RCC2: variants seen among roughly 807,000 people sequenced by gnomAD.
The protein encoded by RCC2 is regulator of chromosome condensation 2, also known as protein RCC2.
RCC2 carries 19 observed loss-of-function variants against 64.1 expected under a neutral mutation model. The ratio of observed to expected loss-of-function variants is 0.30; its 90% CI spans 0.21 to 0.44. RCC2 has a LOEUF of 0.44. Ranked by LOEUF, RCC2 falls within the 20% of genes least tolerant of loss-of-function variation. RCC2 has a pLI of 1.00. For missense variants in RCC2, 508 were observed against 710.4 expected, an observed-to-expected ratio of 0.72 and a Z score of 3.24; for synonymous variants, 325 against 279.6, an observed-to-expected ratio of 1.16 and a Z score of -1.62.
In RCC2 at chr1:17,406,823, AT is replaced by A. The variant is rs1178905026; in HGVS notation, c.*2266del. ...TCCAAGAAATATATATATAAAAAAA[AT>A]AATAAGACAATTACAGCACTAAACC... On this transcript the variant is annotated 3_prime_UTR_variant, in exon 13 of 13. Coordinates refer to ENST00000375436, the MANE Select transcript of RCC2 (RefSeq NM_018715.4). 25 of 152,264 alleles carry A rather than the reference AT, an allele frequency of 1.6e-4. No homozygotes were observed. Among genetic ancestry groups the A allele is most frequent in the South Asian group, 1.5e-3 (7 of 4,814 alleles). 9.4% of individuals were successfully genotyped at this position (152,264 alleles called of 1,614,324 possible).
At position 17,426,759 on chromosome 1, in the gene RCC2, C is replaced by CTTT. The variant is rs146347066; in HGVS notation, c.380-1078_380-1076dup. Reference sequence around the variant, plus strand: ...GGGGCAGGGCCAATTTCTTACTTTTCTTTTTTTTTTTTTTTTTTTTTTTTT... The same window carrying CTTT: ...GGGGCAGGGCCAATTTCTTACTTTTCTTTTTTTTTTTTTTTTTTTTTTTTTTTT... On this transcript the variant is annotated intron_variant, in intron 3 of 12. Coordinates refer to ENST00000375436, the MANE Select transcript of RCC2 (RefSeq NM_018715.4). Among the ~76,000 whole-genome samples, 128 of 109,954 alleles carry CTTT rather than the reference C, an allele frequency of 1.2e-3. 1 individual carries two copies. The highest frequency in any genetic ancestry group is 1.5e-3 in the Non-Finnish European group (84 of 54,790). 72.1% of individuals were successfully genotyped at this position (109,954 alleles called of 152,430 possible). A position where few individuals can be genotyped will look rare whatever the true frequency, so the allele number is the denominator to read the frequency against.
At chr1:17,414,645 CCCT>C (rs936532248) in intron 8 of RCC2, among the ~76,000 whole-genome samples, 5 of 152,036 alleles carry the variant, frequency 3.3e-5, no homozygotes, top group African/African-American at 9.7e-5. Flanking sequence ...TCTTTTCCCC[CCCT>C]CGAGAGGGTC....
At chr1:17,439,292 C>G (rs575854923) in intron 1 of RCC2, among the ~76,000 whole-genome samples, 1 of 151,420 alleles carries the variant, frequency 6.6e-6, no homozygotes, top group South Asian at 2.1e-4. Flanking sequence ...CCAGGGCCGC[C>G]GCCAGCTCCC....
intron 2 of RCC2, among the ~76,000 whole-genome samples, chr1:17,431,359 A>AAAATATATAT (rs1553158471): frequency 4.5e-5 from 2 of 44,930 alleles, no homozygotes; most frequent in Admixed American, 7.1e-4. Context: ...AAAAAAAAAA[A>AAAATATATAT]ATATATATAT....
chr1:17,420,094 C>CGGGAAGCGCACTTCA (rs1553157140), intron 7 of RCC2, among the ~76,000 whole-genome samples: 2 of 152,178 alleles, frequency 1.3e-5, no homozygotes, highest in African/African-American at 2.4e-5. Context: ...GAGCCACAAC[C>CGGGAAGCGCACTTCA]GGGAAGCGCA....
In RCC2 at chr1:17,420,644, C is replaced by T. The variant is rs1195364760; in HGVS notation, c.859+70G>A. On this transcript the variant is annotated intron_variant, in intron 7 of 12. Transcript: ENST00000375436. Reference sequence around the variant, plus strand: ...CACATTTCTAACACGTGTGTGCAGCCCCACACTGATCTCTAGTTCTGAATA... The same window carrying T: ...CACATTTCTAACACGTGTGTGCAGCTCCACACTGATCTCTAGTTCTGAATA... 4.1e-6 allele frequency: 4 copies of T among 974,908 alleles called. No homozygotes were observed. The East Asian group carries it at 9.8e-5, about 24-fold the overall frequency. The allele number at this position is 974,908 out of a possible 1,614,324, so 60.4% of individuals were successfully genotyped here. A position where few individuals can be genotyped will look rare whatever the true frequency, so the allele number is the denominator to read the frequency against.
intron 6 of RCC2, among the ~76,000 whole-genome samples, chr1:17,421,865 A>C (rs973519424): frequency 6.6e-6 from 1 of 152,052 alleles, no homozygotes; most frequent in Non-Finnish European, 1.5e-5. Context: ...GTCTCTACTA[A>C]AAATACAAAA....
chr1:17,432,666 G>C (rs557719399), intron 2 of RCC2, among the ~76,000 whole-genome samples: 1 of 152,266 alleles, frequency 6.6e-6, no homozygotes, highest in Non-Finnish European at 1.5e-5. Flanking sequence ...CAGACAGCCA[G>C]AGCTTAACCG....
chr1:17,409,105 G>A lies in RCC2; in HGVS notation c.1554C>T (p.Asn518=). The change falls in exon 13 of 13, where the codon AAC becomes AAT. Residue 518 remains asparagine (N), a synonymous_variant. Coordinates refer to ENST00000375436, the MANE Select transcript of RCC2 (RefSeq NM_018715.4). ...KEKIKKLPEY[N]PRTL ...TCCGGGAGCATCAGAGGGTTCGGGG[G>A]TTGTATTCTGGCAGTTTCTTGATCT... The A allele has an allele frequency of 6.2e-7, 1 of 1,612,950 alleles. No individual in the cohort carries two copies. The highest frequency in any genetic ancestry group is 8.5e-7 in the Non-Finnish European group (1 of 1,178,950).
chr1:17,428,686 T>TG (rs2075644747), intron 3 of RCC2, among the ~76,000 whole-genome samples: 1 of 152,230 alleles, frequency 6.6e-6, no homozygotes, highest in Admixed American at 6.5e-5. Flanking sequence ...TGCAACAATT[T>TG]GGCAGCTTGC....
intron 3 of RCC2, among the ~76,000 whole-genome samples, chr1:17,427,254 GCCCTCAGCAGAGGGCA>G (rs1260046297): frequency 6.6e-6 from 1 of 152,114 alleles, no homozygotes; most frequent in African/African-American, 2.4e-5. Flanking sequence ...CCCACCCTCC[GCCCTCAGCAGAGGGCA>G]CCACATGCTC....
At chr1:17,434,759 A>G (rs1199981830) in intron 2 of RCC2, among the ~76,000 whole-genome samples, 1 of 152,228 alleles carries the variant, frequency 6.6e-6, no homozygotes, top group Non-Finnish European at 1.5e-5. Context: ...TGTGTGCTGC[A>G]GAACTGATTG....
chr1:17,409,188 T>C lies in RCC2; in HGVS notation c.1471A>G (p.Met491Val), dbSNP rs1246374592. 2 of 1,610,656 alleles carry C rather than the reference T, an allele frequency of 1.2e-6. No individual in the cohort carries two copies. Among genetic ancestry groups the C allele is most frequent in the Non-Finnish European group, 1.7e-6 (2 of 1,176,950 alleles). The change falls in exon 13 of 13, where the codon ATG becomes GTG. Residue 491 changes from methionine (M) to valine (V), a missense_variant. Physicochemically the swap from Met to Val is conservative, Grantham distance 21. Coordinates refer to ENST00000375436, the MANE Select transcript of RCC2 (RefSeq NM_018715.4). Reference protein sequence around the residue: ...LDGIFSEQVAMGYSHSLVIAR... With the variant: ...LDGIFSEQVAVGYSHSLVIAR... ...ATCACCAAGGAGTGTGAGTAGCCCA[T>C]GGCGACCTGGGGGGACAAATCAGCG...
At chr1:17,436,978 G>T (rs1017564112) in intron 2 of RCC2, among the ~76,000 whole-genome samples, 1 of 152,116 alleles carries the variant, frequency 6.6e-6, no homozygotes, top group African/African-American at 2.4e-5. Context: ...AGCTTTTGAC[G>T]GGCTCTCCTC....
In RCC2 at chr1:17,438,328, G is replaced by C; in HGVS notation, c.187C>G (p.Pro63Ala). Residue 63 changes from proline to alanine, a missense_variant, in exon 2 of 13, where the codon CCC becomes GCC. By Grantham distance (27) the Pro-to-Ala change is conservative. Around this residue, in one of 4 missense-constraint regions of RCC2, gnomAD observed 195 missense variants for 158.3 expected, o/e 1.23. Coordinates refer to ENST00000375436, the MANE Select transcript of RCC2 (RefSeq NM_018715.4). Reference protein sequence around the residue: ...DEDGLELDGAPGGGKRAARPA... With the variant: ...DEDGLELDGAAGGGKRAARPA... ...CGCGCCGCGCGCTTGCCCCCGCCGG[G>C]GGCCCCGTCGAGCTCCAGGCCGTCC... The C allele has an allele frequency of 8.0e-7, 1 of 1,245,622 alleles. No homozygotes were observed. The highest frequency in any genetic ancestry group is 1.0e-6 in the Non-Finnish European group (1 of 991,134). 77.2% of individuals were successfully genotyped at this position (1,245,622 alleles called of 1,614,324 possible).
intron 8 of RCC2, among the ~76,000 whole-genome samples, 193 bp downstream of exon 8, chr1:17,416,287 T>C (rs1188403363): frequency 1.3e-5 from 2 of 151,970 alleles, no homozygotes; most frequent in East Asian, 1.9e-4. Flanking sequence ...GAAGTTAACA[T>C]AGGAGGCAGT....
At chr1:17,424,057 G>T (rs1322860981) in intron 4 of RCC2, among the ~76,000 whole-genome samples, 1 of 152,220 alleles carries the variant, frequency 6.6e-6, no homozygotes, top group Non-Finnish European at 1.5e-5. Context: ...TGAAAGGCAT[G>T]TGAATACAGA....
chr1:17,411,984 C>G (rs1426455635), intron 11 of RCC2, 138 bp downstream of exon 11: 4 of 753,510 alleles, frequency 5.3e-6, no homozygotes, highest in African/African-American at 1.8e-5. Context: ...AATCGTGTTG[C>G]AAACCTTAAT....
rs1011169462 is a variant in RCC2, at chr1:17,413,325, G to A, written c.1208-147C>T. On this transcript the variant is annotated intron_variant, in intron 9 of 12. Transcript: ENST00000375436. ...TGGAGCCAGGCGTGGTGGCGTGCCT[G>A]TGCAGTCCTAGCTACTCAGGACGCT... is the stretch of plus-strand genomic sequence containing the variant. 39 of 818,126 alleles carry A rather than the reference G, an allele frequency of 4.8e-5. No individual in the cohort carries two copies. In the African/African-American group the frequency reaches 5.1e-4, roughly 11 times the overall value. 50.7% of individuals were successfully genotyped at this position (818,126 alleles called of 1,614,324 possible).
Sources: gnomAD v4.1 joint callset for allele counts (sites outside exome capture counted in the v4.1 genomes callset) on GRCh38, gnomAD v4.1.1 for gene constraint, gnomAD v4.1.1 regional missense constraint, MANE v1.5 for transcripts, NCBI Gene and HGNC (gene_info 2026-07-23, HGNC 2026-07-21) for gene names.